Variants in PPP1R12B observed in about 807,000 individuals in gnomAD.
PPP1R12B encodes the protein protein phosphatase 1 regulatory subunit 12B, also known as myosin phosphatase target subunit 2.
In PPP1R12B, 76 loss-of-function variants were observed where a neutral mutation model predicts 126.1. The ratio of observed to expected loss-of-function variants is 0.60; its 90% CI spans 0.50 to 0.73. The LOEUF (loss-of-function observed/expected upper bound fraction) is 0.73. PPP1R12B is among the 30% of genes least tolerant of loss of function. The probability of loss-of-function intolerance (pLI) is 0.00; values close to 1 mark genes in which losing one functional copy is unlikely to be tolerated. For synonymous variants in PPP1R12B, 356 were observed against 434.7 expected (o/e 0.82, Z 2.25); for missense variants, 1,052 against 1,205.1 (o/e 0.87, Z 1.88).
chr1:202,379,349 C>G (rs1386744924), intron 1 of PPP1R12B, among the ~76,000 whole-genome samples: 1 of 152,180 alleles, frequency 6.6e-6, no homozygotes, highest in African/African-American at 2.4e-5. Context: ...TGAACTGTAT[C>G]CTCCAAAGAG....
intron 23 of PPP1R12B, chr1:202,576,181 G>A (rs1032025205): frequency 1.3e-5 from 2 of 152,240 alleles, no homozygotes; most frequent in African/African-American, 2.4e-5. Context: ...ATGGCAGGCA[G>A]TGGAGCAGAG....
chr1:202,502,658 C>T lies in PPP1R12B; in HGVS notation c.2490+5836C>T, dbSNP rs538945851. ...GTAAATACTATGTTAAAAGGTGATA[C>T]GTGCTATGGAAAAACCATATAGAGT... On this transcript the variant is annotated intron_variant, in intron 18 of 23. Coordinates refer to ENST00000608999, the MANE Select transcript of PPP1R12B (RefSeq NM_002481.4). 432 of 206,594 alleles carry T rather than the reference C, an allele frequency of 2.1e-3. 3 individuals are homozygous for T. Among genetic ancestry groups the T allele is most frequent in the African/African-American group, 9.8e-3 (416 of 42,484 alleles). 12.8% of individuals were successfully genotyped at this position (206,594 alleles called of 1,614,324 possible).
At chr1:202,435,832 A>G (rs148067726) in intron 9 of PPP1R12B, among the ~76,000 whole-genome samples, 1 of 152,348 alleles carries the variant, frequency 6.6e-6, no homozygotes, top group East Asian at 1.9e-4. Flanking sequence ...ATTTATCCCT[A>G]GAAGCATCAT....
Position 202,461,296 on chromosome 1 carries a change from G to T in PPP1R12B, c.1850+12125G>T, listed in dbSNP as rs12049280. 9.5e-4 allele frequency among the ~76,000 whole-genome samples: 144 copies of T among 152,158 alleles called. 1 individual carries two copies. The East Asian group carries it at 0.027, about 29-fold the overall frequency. ...TGACTCTTTCCTCATATGTAAAAAA[G>T]GGATAATGCTTACCTTGTTTGCATG... On this transcript the variant is annotated intron_variant, in intron 13 of 23. Coordinates refer to ENST00000608999, the MANE Select transcript of PPP1R12B (RefSeq NM_002481.4).
At chr1:202,560,665 A>G (rs1203978788) in intron 19 of PPP1R12B, among the ~76,000 whole-genome samples, 1 of 152,226 alleles carries the variant, frequency 6.6e-6, no homozygotes, top group African/African-American at 2.4e-5. Flanking sequence ...CCAGCCTCCT[A>G]TCTCATTCAG....
intron 10 of PPP1R12B, chr1:202,438,635 C>A: frequency 1.9e-6 from 1 of 526,684 alleles, no homozygotes; most frequent in Non-Finnish European, 3.5e-6. Context: ...CCGTCCCTGG[C>A]CCCGGAAGCA....
In PPP1R12B at chr1:202,567,849, TC is replaced by T. The variant is rs563911344; in HGVS notation, c.2811+23del. ...AGAAACGGGTATGCGCATGTCTGTT[TC>T]CCCCTCCACCCCATTTCATCTCTTC... On this transcript the variant is annotated intron_variant, in intron 22 of 23. Transcript: ENST00000608999. 3.5e-5 allele frequency: 56 copies of T among 1,612,932 alleles called. No individual in the cohort carries two copies. The Admixed American group carries it at 7.5e-4, about 22-fold the overall frequency.
intron 1 of PPP1R12B, among the ~76,000 whole-genome samples, chr1:202,388,052 C>T (rs1442669505): frequency 2.7e-5 from 4 of 146,434 alleles, no homozygotes; most frequent in African/African-American, 1.0e-4. Flanking sequence ...TTCAAACCAT[C>T]ATTTGGAATA....
At chr1:202,578,164 C>T (rs1297077345) in intron 23 of PPP1R12B, among the ~76,000 whole-genome samples, 1 of 152,028 alleles carries the variant, frequency 6.6e-6, no homozygotes, top group Non-Finnish European at 1.5e-5. Flanking sequence ...CTGCCTTGTC[C>T]AAATTTTTTT....
chr1:202,548,808 C>CTATA (rs370219273), intron 18 of PPP1R12B, among the ~76,000 whole-genome samples: 1,008 of 72,912 alleles, frequency 0.014, 8 homozygotes, highest in Non-Finnish European at 0.016. Flanking sequence ...CTCTCTCTCT[C>CTATA]TATATATATA....
chr1:202,445,631 A>G (rs1319882470), intron 12 of PPP1R12B, among the ~76,000 whole-genome samples: 1 of 152,224 alleles, frequency 6.6e-6, no homozygotes, highest in East Asian at 1.9e-4. Flanking sequence ...ATGACATGCA[A>G]ACCCAAATCA....
At chr1:202,390,824 C>G (rs533748431) in intron 1 of PPP1R12B, among the ~76,000 whole-genome samples, 2 of 152,154 alleles carry the variant, frequency 1.3e-5, no homozygotes, top group Non-Finnish European at 2.9e-5. Flanking sequence ...TTGACACTAT[C>G]GAGAAAGCAG....
chr1:202,563,149 C>T (rs757406556), intron 20 of PPP1R12B, among the ~76,000 whole-genome samples: 1 of 152,220 alleles, frequency 6.6e-6, no homozygotes, highest in African/African-American at 2.4e-5. Context: ...GACAAGGTCT[C>T]ATTGTTACCC....
rs956784267 is a variant in PPP1R12B, at chr1:202,585,798, G to A, written c.*5238G>A. The A allele has an allele frequency of 6.6e-6, 1 of 152,204 alleles. No homozygotes were observed. The highest frequency in any genetic ancestry group is 1.5e-5 in the Non-Finnish European group (1 of 68,036). 9.4% of individuals were successfully genotyped at this position (152,204 alleles called of 1,614,324 possible). ...AAGAATATTAAAGCCTGCAGAGGTG[G>A]AAATTGGAGCTCATGGAGAAATGGA... On this transcript the variant is annotated 3_prime_UTR_variant, in exon 24 of 24. Transcript: ENST00000608999.
At chr1:202,401,302 A>G (rs563310187) in intron 1 of PPP1R12B, among the ~76,000 whole-genome samples, 1 of 147,668 alleles carries the variant, frequency 6.8e-6, no homozygotes, top group Non-Finnish European at 1.5e-5. Context: ...CAAGTTATTC[A>G]TCTCAGCCTC....
chr1:202,554,129 C>T (rs904584849), intron 18 of PPP1R12B, among the ~76,000 whole-genome samples: 7 of 152,050 alleles, frequency 4.6e-5, no homozygotes, highest in Non-Finnish European at 8.8e-5. Flanking sequence ...CATCAAACCC[C>T]GGATTATCTA....
At chr1:202,381,384 T>C (rs1488560602) in intron 1 of PPP1R12B, among the ~76,000 whole-genome samples, 1 of 46,782 alleles carries the variant, frequency 2.1e-5, no homozygotes, top group East Asian at 6.2e-4. Flanking sequence ...GGAGTGGTTT[T>C]GATGAGCTTT....
chr1:202,421,079 C>T (rs1309389185), intron 2 of PPP1R12B, among the ~76,000 whole-genome samples: 1 of 149,496 alleles, frequency 6.7e-6, no homozygotes, highest in Non-Finnish European at 1.5e-5. Context: ...CCTCAGCCTC[C>T]TGAGTAGCTG....
chr1:202,432,404 A>C (rs1470158249), intron 8 of PPP1R12B, among the ~76,000 whole-genome samples: 2 of 151,984 alleles, frequency 1.3e-5, no homozygotes, highest in Non-Finnish European at 2.9e-5. Context: ...AGTAGCTGGG[A>C]CTACAGGTGT....
Sources: gnomAD v4.1 joint callset for allele counts (sites outside exome capture counted in the v4.1 genomes callset) on GRCh38, gnomAD v4.1.1 for gene constraint, MANE v1.5 for transcripts, NCBI Gene and HGNC (gene_info 2026-07-23, HGNC 2026-07-21) for gene names.